The following ERBB4 variants were observed in gnomAD, a reference collection of about 807,000 sequenced individuals.
ERBB4 encodes the protein receptor tyrosine-protein kinase erbB-4.
Under a neutral mutation model 158.0 loss-of-function variants are expected in ERBB4, and 42 were observed. That is an observed-to-expected ratio of 0.27 (90% confidence interval 0.21 to 0.34). The LOEUF (loss-of-function observed/expected upper bound fraction) is 0.34. ERBB4 is among the 10% of genes least tolerant of loss of function. ERBB4 has a pLI of 1.00. For missense variants in ERBB4, 1,333 were observed against 1,624.1 expected (o/e 0.82, Z 3.08); for synonymous variants, 583 against 558.7 (o/e 1.04, Z -0.61).
chr2:211,418,790 T>C (rs1197543368), intron 25 of ERBB4, among the ~76,000 whole-genome samples: 1 of 152,058 alleles, frequency 6.6e-6, no homozygotes, highest in African/African-American at 2.4e-5. Context: ...ACAGAGAGCC[T>C]CCTTTATACA....
intron 1 of ERBB4, among the ~76,000 whole-genome samples, chr2:212,301,614 C>A (rs1158504260): frequency 6.6e-6 from 1 of 151,248 alleles, no homozygotes; most frequent in Admixed American, 6.6e-5. Flanking sequence ...AGTGTAGTAA[C>A]TTTTGTAACA....
At chr2:211,712,583 T>C (rs1437996880) in intron 8 of ERBB4, among the ~76,000 whole-genome samples, 2 of 152,150 alleles carry the variant, frequency 1.3e-5, no homozygotes, top group African/African-American at 4.8e-5. Flanking sequence ...AATGATTTCA[T>C]GGCCTACATA....
intron 3 of ERBB4, among the ~76,000 whole-genome samples, chr2:211,875,037 A>C (rs2078457862): frequency 1.4e-5 from 2 of 145,428 alleles, no homozygotes; most frequent in Admixed American, 6.9e-5. Context: ...AAAAAAAAAA[A>C]AAAAAAAAAA....
At chr2:212,259,645 G>A (rs997698086) in intron 1 of ERBB4, among the ~76,000 whole-genome samples, 2 of 152,048 alleles carry the variant, frequency 1.3e-5, no homozygotes, top group South Asian at 2.1e-4. Flanking sequence ...TAAAGGCAAC[G>A]AATATTCCAG....
intron 1 of ERBB4, among the ~76,000 whole-genome samples, chr2:212,281,237 T>G (rs1170285468): frequency 6.6e-6 from 1 of 151,802 alleles, no homozygotes; most frequent in Non-Finnish European, 1.5e-5. Context: ...AAGAGTCTGA[T>G]GAATTTGCCT....
intron 20 of ERBB4, among the ~76,000 whole-genome samples, chr2:211,470,051 A>C (rs1047166673): frequency 6.6e-6 from 1 of 152,106 alleles, no homozygotes; most frequent in African/African-American, 2.4e-5. Flanking sequence ...TTTAAAATAT[A>C]AAAGACTTAT....
intron 3 of ERBB4, among the ~76,000 whole-genome samples, chr2:211,910,005 C>T (rs938637025): frequency 1.3e-5 from 2 of 151,416 alleles, no homozygotes; most frequent in African/African-American, 4.8e-5. Context: ...CTGCAACCTC[C>T]GCCTCCCAGG....
At chr2:211,919,484 T>C (rs1470533749) in intron 3 of ERBB4, among the ~76,000 whole-genome samples, 1 of 151,852 alleles carries the variant, frequency 6.6e-6, no homozygotes, top group Non-Finnish European at 1.5e-5. Flanking sequence ...AAAAATTAAA[T>C]CCAATGAAAG....
chr2:211,830,534 C>A (rs1053537406), intron 3 of ERBB4, among the ~76,000 whole-genome samples: 4 of 151,908 alleles, frequency 2.6e-5, no homozygotes. Context: ...TTTTAAATTT[C>A]CTACTGTTAA....
At chr2:212,249,446 T>C (rs1327108357) in intron 1 of ERBB4, among the ~76,000 whole-genome samples, 1 of 150,842 alleles carries the variant, frequency 6.6e-6, no homozygotes, top group African/African-American at 2.4e-5. Flanking sequence ...ATAGAAAAGA[T>C]AGGTTGAAAC....
chr2:212,040,046 T>C (rs577549426), intron 2 of ERBB4, among the ~76,000 whole-genome samples: 9 of 152,122 alleles, frequency 5.9e-5, no homozygotes, highest in African/African-American at 2.2e-4. Flanking sequence ...TATTTTTTTC[T>C]TAATTTCCAG....
At chr2:212,478,970 A>G (rs1689545980) in intron 1 of ERBB4, among the ~76,000 whole-genome samples, 1 of 152,122 alleles carries the variant, frequency 6.6e-6, no homozygotes, top group Non-Finnish European at 1.5e-5. Flanking sequence ...AATTTCACTT[A>G]CAGCATTGCT....
At chr2:212,249,191 A>G (rs1223685782) in intron 1 of ERBB4, among the ~76,000 whole-genome samples, 2 of 152,100 alleles carry the variant, frequency 1.3e-5, no homozygotes, top group African/African-American at 4.8e-5. Flanking sequence ...ATAATCATCA[A>G]AATATTGGTG....
intron 2 of ERBB4, among the ~76,000 whole-genome samples, chr2:212,117,133 A>G (rs2079593751): frequency 1.3e-5 from 2 of 152,160 alleles, no homozygotes; most frequent in African/African-American, 4.8e-5. Flanking sequence ...TTAACCCAAA[A>G]TGTCTGCTTT....
chr2:212,292,845 T>TA (rs2086259488), intron 1 of ERBB4, among the ~76,000 whole-genome samples: 1 of 152,092 alleles, frequency 6.6e-6, no homozygotes, highest in South Asian at 2.1e-4. Flanking sequence ...ATAGGTCAAG[T>TA]AAAAATGTAT....
intron 2 of ERBB4, among the ~76,000 whole-genome samples, chr2:212,026,682 G>GT (rs2076779644): frequency 6.6e-6 from 1 of 151,732 alleles, no homozygotes; most frequent in African/African-American, 2.4e-5. Flanking sequence ...ATTAAAACAT[G>GT]TTTTTTCGAT....
chr2:211,675,447 T>C (rs1386298686), intron 13 of ERBB4, among the ~76,000 whole-genome samples: 1 of 152,056 alleles, frequency 6.6e-6, no homozygotes. Context: ...AAGCTGCAAT[T>C]ATAAAATGTA....
At chr2:212,127,447 C>A (rs1559549723) in intron 1 of ERBB4, among the ~76,000 whole-genome samples, 1 of 152,054 alleles carries the variant, frequency 6.6e-6, no homozygotes, top group Non-Finnish European at 1.5e-5. Context: ...AAACAATTAG[C>A]CGGGCCTGGT....
intron 20 of ERBB4, among the ~76,000 whole-genome samples, chr2:211,529,431 A>G (rs926368017): frequency 2.0e-5 from 3 of 152,110 alleles, no homozygotes; most frequent in African/African-American, 7.2e-5. Context: ...TATTTAAAGA[A>G]CTAATACCAA....
Sources: allele counts gnomAD v4.1 joint callset (sites outside exome capture counted in the v4.1 genomes callset), GRCh38; gene constraint gnomAD v4.1.1; transcripts MANE v1.5; gene names NCBI Gene and HGNC (gene_info 2026-07-23, HGNC 2026-07-21).